Variants in ZFYVE26 observed in about 807,000 individuals in gnomAD.
ZFYVE26 encodes zinc finger FYVE-type containing 26.
In ZFYVE26, 181 loss-of-function variants were observed where a neutral mutation model predicts 276.5. That is an observed-to-expected ratio of 0.65 (90% CI 0.58 to 0.74). ZFYVE26 has a LOEUF of 0.74. ZFYVE26 is among the 30% of genes least tolerant of loss of function. ZFYVE26 has a pLI of 0.00. For synonymous variants in ZFYVE26, 1,129 were observed against 1,203.1 expected (o/e 0.94, Z 1.27); for missense variants, 2,821 against 3,097.9 (o/e 0.91, Z 2.12).
chr14:67,759,550 G>A lies in ZFYVE26; in HGVS notation c.6588+1816C>T, dbSNP rs192185497. Among the ~76,000 whole-genome samples the A allele has an allele frequency of 1.2e-4, 18 of 148,312 alleles. No individual in the cohort carries two copies. In the East Asian group the frequency reaches 3.6e-3, roughly 30 times the overall value. On this transcript the variant is annotated intron_variant, in intron 35 of 41. Coordinates refer to ENST00000347230, the MANE Select transcript of ZFYVE26 (RefSeq NM_015346.4). ...GAGGCAGGAGAATCGTTTGAACCTG[G>A]GAAGCAGAGGTTGTAGTGAGCTGAG...
chr14:67,752,655 C>A, intron 39 of ZFYVE26, 129 bp from the exon 40 acceptor site: 1 of 1,011,124 alleles, frequency 9.9e-7, no homozygotes, highest in South Asian at 1.4e-5. Flanking sequence ...CAGTAGAAAA[C>A]ATAAATATAC....
intron 34 of ZFYVE26, 147 bp from the exon 35 acceptor site, chr14:67,761,731 T>G: frequency 1.4e-6 from 1 of 692,540 alleles, no homozygotes; most frequent in East Asian, 2.7e-5. Flanking sequence ...GTTGTGCACA[T>G]GTACCCTAGA....
At chr14:67,756,302 A>C in intron 35 of ZFYVE26, 157 bp from the exon 36 acceptor site, 1 of 813,374 alleles carries the variant, frequency 1.2e-6, no homozygotes, top group Non-Finnish European at 2.1e-6. Context: ...TGAGAATCTC[A>C]TTCTAGCGAC....
intron 34 of ZFYVE26, 39 bp from the exon 35 acceptor site, chr14:67,761,623 A>G (rs1364581627): frequency 1.3e-6 from 2 of 1,579,814 alleles, no homozygotes; most frequent in Admixed American, 1.7e-5. Context: ...ATGAAACTCA[A>G]AAAGTTCTCA....
chr14:67,747,765 T>A lies in ZFYVE26; in HGVS notation c.*671A>T, dbSNP rs1200081861. 1 of 152,800 alleles carries A rather than the reference T, an allele frequency of 6.5e-6. No individual in the cohort carries two copies. The highest frequency in any genetic ancestry group is 6.6e-5 in the Admixed American group (1 of 15,144). The allele number at this position is 152,800 out of a possible 1,614,324, so 9.5% of individuals were successfully genotyped here. On this transcript the variant is annotated 3_prime_UTR_variant, in exon 42 of 42. Coordinates refer to ENST00000347230, the MANE Select transcript of ZFYVE26 (RefSeq NM_015346.4). Reference sequence around the variant, plus strand: ...TATACACATACCCACAGCTTTCAGATGCCTGCACCTGAAAACCCTTCTATT... The same window carrying A: ...TATACACATACCCACAGCTTTCAGAAGCCTGCACCTGAAAACCCTTCTATT...
At chr14:67,790,840 G>T in intron 14 of ZFYVE26, 67 bp from the exon 15 acceptor site, 1 of 1,454,736 alleles carries the variant, frequency 6.9e-7, no homozygotes, top group Non-Finnish European at 9.7e-7. Flanking sequence ...CCATGGATAG[G>T]AGATCTTGCC....
Position 67,769,603 on chromosome 14 carries a change from C to T in ZFYVE26, c.5612G>A (p.Cys1871Tyr), listed in dbSNP as rs61746722. The change falls in exon 29 of 42, where the codon TGC becomes TAC. Residue 1871 changes from cysteine (C) to tyrosine (Y), a missense_variant. Physicochemically the swap from Cys to Tyr is radical, Grantham distance 194. Coordinates refer to ENST00000347230, the MANE Select transcript of ZFYVE26 (RefSeq NM_015346.4). ...GCTGTAGGACACTCACTCTTTGTTG[C>T]AGTAACTATAGCACTGATCACACAC... Reference protein sequence around the residue: ...ARVCDQCYSYCNKDVPEEPSE... With the variant: ...ARVCDQCYSYYNKDVPEEPSE... 19,352 of 1,613,904 alleles carry T rather than the reference C, an allele frequency of 0.012. 151 individuals carry two copies. The highest frequency in any genetic ancestry group is 0.018 in the Middle Eastern group (108 of 6,054).
intron 14 of ZFYVE26, among the ~76,000 whole-genome samples, chr14:67,793,204 C>T (rs1453931491): frequency 6.6e-6 from 1 of 152,138 alleles, no homozygotes; most frequent in Non-Finnish European, 1.5e-5. Context: ...GTGCAGTGAG[C>T]AGAAATCGTG....
intron 16 of ZFYVE26, among the ~76,000 whole-genome samples, chr14:67,788,758 T>C (rs553108141): frequency 7.3e-4 from 111 of 152,188 alleles, no homozygotes; most frequent in Non-Finnish European, 1.0e-3. Flanking sequence ...CCTCCCTCTA[T>C]ATTACTAAGG....
intron 15 of ZFYVE26, 84 bp downstream of exon 15, chr14:67,790,488 G>A (rs2039781244): frequency 3.5e-6 from 5 of 1,426,906 alleles, no homozygotes; most frequent in Non-Finnish European, 4.9e-6. Context: ...CCCTCATGAG[G>A]AGCCTAGGAT....
At chr14:67,784,605 A>G (rs947180366) in intron 19 of ZFYVE26, among the ~76,000 whole-genome samples, 169 bp from the exon 20 acceptor site, 2 of 152,180 alleles carry the variant, frequency 1.3e-5, no homozygotes, top group Non-Finnish European at 2.9e-5. Flanking sequence ...CCTGACCACA[A>G]GTTTTATCTA....
chr14:67,783,958 C>A (rs2039580557), intron 20 of ZFYVE26, among the ~76,000 whole-genome samples: 1 of 152,160 alleles, frequency 6.6e-6, no homozygotes, highest in African/African-American at 2.4e-5. Context: ...TATGAATTTG[C>A]AATTTTAATA....
intron 40 of ZFYVE26, 83 bp from the exon 41 acceptor site, chr14:67,751,179 C>G (rs1432214904): frequency 6.7e-7 from 1 of 1,493,410 alleles, no homozygotes; most frequent in Non-Finnish European, 9.3e-7. Context: ...CTCAGCCCAG[C>G]CATTCTGACT....
At chr14:67,773,967 G>T (rs1235349304) in intron 27 of ZFYVE26, among the ~76,000 whole-genome samples, 3 of 152,268 alleles carry the variant, frequency 2.0e-5, no homozygotes, top group African/African-American at 7.2e-5. Flanking sequence ...CCAAGACATG[G>T]CTGAGGGCTT....
chr14:67,757,091 GA>G (rs2038797561), intron 35 of ZFYVE26, among the ~76,000 whole-genome samples: 1 of 152,108 alleles, frequency 6.6e-6, no homozygotes, highest in Non-Finnish European at 1.5e-5. Context: ...ACAGCACACA[GA>G]ATCTGGCCAC....
rs1333336054 is a variant in ZFYVE26 at position 67,747,687 on chromosome 14, T to C, written c.*749A>G. ...CGCCTCCCCTGTATCCCTGTTTGGA[T>C]GGTTAGCCTTTCTTTCCCTCTTGCC... On this transcript the variant is annotated 3_prime_UTR_variant, in exon 42 of 42. Coordinates refer to ENST00000347230, the MANE Select transcript of ZFYVE26 (RefSeq NM_015346.4). 1 of 129,032 alleles carries C rather than the reference T, an allele frequency of 7.8e-6. No homozygotes were observed. Among genetic ancestry groups the C allele is most frequent in the Non-Finnish European group, 1.6e-5 (1 of 63,650 alleles). The allele number at this position is 129,032 out of a possible 1,614,324, so 8.0% of individuals were successfully genotyped here. A position where few individuals can be genotyped will look rare whatever the true frequency, so the allele number is the denominator to read the frequency against.
At chr14:67,772,687 C>A (rs910980848) in intron 27 of ZFYVE26, among the ~76,000 whole-genome samples, 2 of 152,188 alleles carry the variant, frequency 1.3e-5, no homozygotes, top group Non-Finnish European at 2.9e-5. Flanking sequence ...GTAATCCCAG[C>A]ACTTTGGGAG....
intron 10 of ZFYVE26, among the ~76,000 whole-genome samples, chr14:67,799,762 CT>C (rs1346015109): frequency 1.3e-5 from 2 of 152,180 alleles, no homozygotes; most frequent in Non-Finnish European, 2.9e-5. Context: ...AGCAGAATCT[CT>C]CAACCTGATC....
At chr14:67,771,506 C>T (rs906981424) in intron 28 of ZFYVE26, among the ~76,000 whole-genome samples, 2 of 152,202 alleles carry the variant, frequency 1.3e-5, no homozygotes, top group Middle Eastern at 3.2e-3. Context: ...CAGCGTTGAG[C>T]TGATGTGGCA....
Sources: allele counts gnomAD v4.1 joint callset (sites outside exome capture counted in the v4.1 genomes callset), GRCh38; gene constraint gnomAD v4.1.1; transcripts MANE v1.5; gene names NCBI Gene and HGNC (gene_info 2026-07-23, HGNC 2026-07-21).